RNF220: variants seen among roughly 807,000 people sequenced by gnomAD.
RNF220 encodes the protein E3 ubiquitin-protein ligase RNF220.
Under a neutral mutation model 67.1 loss-of-function variants are expected in RNF220, and 7 were observed. That is an observed-to-expected ratio of 0.10 (90% CI 0.06 to 0.20). The LOEUF is 0.20. RNF220 is among the 10% of genes least tolerant of loss of function. The pLI, the probability that RNF220 is intolerant of heterozygous loss-of-function variation, is 1.00. For synonymous variants in RNF220, 270 were observed against 283.2 expected (o/e 0.95, Z 0.47); for missense variants, 565 against 740.3 (o/e 0.76, Z 2.75).
intron 2 of RNF220, among the ~76,000 whole-genome samples, chr1:44,596,149 AG>A (rs1666469534): frequency 6.6e-6 from 1 of 152,220 alleles, no homozygotes; most frequent in Admixed American, 6.5e-5. Flanking sequence ...AAGCAACTCA[AG>A]GAAGGGGAGC....
At chr1:44,640,714 C>T (rs1280334187) in intron 8 of RNF220, among the ~76,000 whole-genome samples, 3 of 152,186 alleles carry the variant, frequency 2.0e-5, no homozygotes, top group Admixed American at 6.5e-5. Flanking sequence ...CACTGCAGGC[C>T]GATTGATTGT....
chr1:44,543,378 C>T (rs995583682), intron 2 of RNF220, among the ~76,000 whole-genome samples: 3 of 152,064 alleles, frequency 2.0e-5, no homozygotes, highest in East Asian at 3.9e-4. Flanking sequence ...TTATGGAGAA[C>T]TCAGCAGGCC....
At chr1:44,632,623 T>TG (rs369660764) in intron 6 of RNF220, 113 of 559,344 alleles carry the variant, frequency 2.0e-4, no homozygotes, top group Admixed American at 6.9e-4. Context: ...TGAAGAACCC[T>TG]GGGGGGGCAA....
In RNF220 at chr1:44,632,405, T is replaced by TG; in HGVS notation, c.949+20_949+21insG. ...TGAATGGTGAGTCCTGCCCGGCCCC[T>TG]CCCTCCGCCCCACCCCCGGCCTCCT... On this transcript the variant is annotated intron_variant, in intron 6 of 14. Transcript: ENST00000361799. The TG allele has an allele frequency of 9.1e-7, 1 of 1,104,966 alleles. No individual in the cohort carries two copies. The highest frequency in any genetic ancestry group is 1.2e-6 in the Non-Finnish European group (1 of 863,464). The allele number at this position is 1,104,966 out of a possible 1,614,324, so 68.4% of individuals were successfully genotyped here.
At chr1:44,410,667 G>A (rs547866961) in intron 1 of RNF220, 1 of 152,254 alleles carries the variant, frequency 6.6e-6, no homozygotes, top group African/African-American at 2.4e-5. Context: ...TCTGTTTGAG[G>A]GAATACCAAA....
intron 2 of RNF220, among the ~76,000 whole-genome samples, chr1:44,544,184 G>A (rs1451842391): frequency 2.6e-5 from 4 of 152,184 alleles, no homozygotes; most frequent in Non-Finnish European, 2.9e-5. Context: ...AGCGGGGGTG[G>A]GAGAAGAACA....
rs560556011 is a variant in RNF220, at chr1:44,587,355, C to A, written c.626-26810C>A. 5.8e-4 allele frequency among the ~76,000 whole-genome samples: 89 copies of A among 152,218 alleles called. No homozygotes were observed. In the South Asian group the frequency reaches 0.018, roughly 31 times the overall value. On this transcript the variant is annotated intron_variant, in intron 2 of 14. Transcript: ENST00000361799. ...TGAAGACAGGTTTCACCATGTTGGC[C>A]AGGCTGGTCTCAAACTCCTGACCTC...
Position 44,650,441 on chromosome 1 carries a change from G to A in RNF220, c.1630-263G>A, listed in dbSNP as rs3738732. The A allele has an allele frequency of 4.8e-4, 265 of 548,770 alleles. 2 individuals carry two copies. The East Asian group carries it at 6.4e-3, about 13-fold the overall frequency. The allele number at this position is 548,770 out of a possible 1,614,324, so 34.0% of individuals were successfully genotyped here. ...CCGCGTGTAATCTCGTTAGGGCTGCGGCTGCCACAGCTGGACCCAGCCTTG... is the reference window on the plus strand; with the variant it reads ...CCGCGTGTAATCTCGTTAGGGCTGCAGCTGCCACAGCTGGACCCAGCCTTG... On this transcript the variant is annotated intron_variant, in intron 14 of 14. Transcript: ENST00000361799. The surrounding 1 kb of genome is among the most constrained non-coding windows in gnomAD (Gnocchi z 4.3).
intron 2 of RNF220, among the ~76,000 whole-genome samples, chr1:44,598,021 A>G (rs1008645163): frequency 2.0e-5 from 3 of 150,968 alleles, no homozygotes; most frequent in Admixed American, 2.0e-4. Flanking sequence ...ACTTTGGGAC[A>G]TATCCTGAAA....
intron 2 of RNF220, among the ~76,000 whole-genome samples, chr1:44,579,527 A>G (rs950100458): frequency 3.0e-4 from 46 of 152,172 alleles, no homozygotes; most frequent in African/African-American, 9.4e-4. Flanking sequence ...CTTACATGTG[A>G]GCCTGTTTGT....
chr1:44,562,446 C>T (rs1558046241), intron 2 of RNF220, among the ~76,000 whole-genome samples: 3 of 152,204 alleles, frequency 2.0e-5, no homozygotes, highest in Admixed American at 6.5e-5. Context: ...CCTCCCTCTG[C>T]CTCGCTGACT....
chr1:44,622,825 T>A lies in RNF220; in HGVS notation c.804+38T>A. 6.3e-7 allele frequency: 1 copy of A among 1,590,138 alleles called. No individual in the cohort carries two copies. Among genetic ancestry groups the A allele is most frequent in the Non-Finnish European group, 8.6e-7 (1 of 1,158,232 alleles). On this transcript the variant is annotated intron_variant, in intron 4 of 14. Coordinates refer to ENST00000361799, the MANE Select transcript of RNF220 (RefSeq NM_018150.4). The surrounding 1 kb of genome is among the most constrained non-coding windows in gnomAD (Gnocchi z 4.3). ...TTACATGTTTTCCTCCTGCCCATAC[T>A]AACCTAGGCCTACCCAGAACTGGTT...
intron 2 of RNF220, among the ~76,000 whole-genome samples, chr1:44,534,809 T>C (rs1480263281): frequency 1.3e-5 from 2 of 152,248 alleles, no homozygotes; most frequent in Admixed American, 6.5e-5. Context: ...CATTAGAAAA[T>C]AGTCAAATCA....
chr1:44,495,765 G>A (rs545028723), intron 2 of RNF220, among the ~76,000 whole-genome samples: 1 of 152,300 alleles, frequency 6.6e-6, no homozygotes, highest in African/African-American at 2.4e-5. Flanking sequence ...AATAAACTTT[G>A]TATATATTGG....
intron 2 of RNF220, among the ~76,000 whole-genome samples, chr1:44,429,514 A>T (rs1411662847): frequency 6.6e-6 from 1 of 152,072 alleles, no homozygotes; most frequent in Non-Finnish European, 1.5e-5. Flanking sequence ...ACGAAGAATG[A>T]TATTAGAGAA....
intron 2 of RNF220, among the ~76,000 whole-genome samples, chr1:44,496,238 T>G (rs1657337556): frequency 6.6e-6 from 1 of 152,018 alleles, no homozygotes; most frequent in African/African-American, 2.4e-5. Flanking sequence ...CAAACTGAAT[T>G]TCAGGTGCCT....
In RNF220 at chr1:44,649,998, G is replaced by A. The variant is rs182721906; in HGVS notation, c.1629+41G>A. 2.2e-4 allele frequency: 350 copies of A among 1,595,932 alleles called. 3 individuals carry two copies. The African/African-American group carries it at 3.9e-3, about 18-fold the overall frequency. ...GGTCGGGGAATGGGAGGCCGCTCCG[G>A]GCACTGCCCAGATGTCTGTGCTTAT... On this transcript the variant is annotated intron_variant, in intron 14 of 14. Coordinates refer to ENST00000361799, the MANE Select transcript of RNF220 (RefSeq NM_018150.4). The surrounding 1 kb of genome is among the most constrained non-coding windows in gnomAD (Gnocchi z 5.9).
intron 2 of RNF220, among the ~76,000 whole-genome samples, chr1:44,503,499 G>A (rs1355486143): frequency 6.6e-6 from 1 of 152,132 alleles, no homozygotes; most frequent in Non-Finnish European, 1.5e-5. Flanking sequence ...AGACCTCCAT[G>A]CCCACACTGC....
intron 3 of RNF220, among the ~76,000 whole-genome samples, chr1:44,618,311 C>T (rs1257094487): frequency 6.6e-6 from 1 of 152,350 alleles, no homozygotes; most frequent in Non-Finnish European, 1.5e-5. Context: ...CCCATTCCAA[C>T]ACACAGATGT....
Sources: gnomAD v4.1 joint callset for allele counts (sites outside exome capture counted in the v4.1 genomes callset) on GRCh38, gnomAD v4.1.1 for gene constraint, Gnocchi (gnomAD v3.1) non-coding constraint, MANE v1.5 for transcripts, NCBI Gene and HGNC (gene_info 2026-07-23, HGNC 2026-07-21) for gene names.